ACP7: variants seen among roughly 807,000 people sequenced by gnomAD.
The protein encoded by ACP7 is acid phosphatase 7, tartrate resistant (putative).
A neutral mutation model predicts 60.6 loss-of-function variants in ACP7; 58 were observed. The ratio of observed to expected loss-of-function variants is 0.96; its 90% CI spans 0.77 to 1.19. The LOEUF is 1.19. ACP7 is among the 50% of genes most tolerant of loss of function. The probability of loss-of-function intolerance (pLI) is 0.00; values close to 1 mark genes in which losing one functional copy is unlikely to be tolerated. For missense variants in ACP7, 574 were observed against 596.2 expected, an observed-to-expected ratio of 0.96 and a Z score of 0.39; for synonymous variants, 237 against 232.6, an observed-to-expected ratio of 1.02 and a Z score of -0.17.
rs34130688 is a variant in ACP7, at chr19:39,107,578, C to CAAAAAA, written c.1251+511_1251+516dup. 2.5e-3 allele frequency among the ~76,000 whole-genome samples: 199 copies of CAAAAAA among 81,196 alleles called. 4 individuals carry two copies. Among genetic ancestry groups the CAAAAAA allele is most frequent in the African/African-American group, 5.2e-3 (110 of 21,254 alleles). The allele number at this position is 81,196 out of a possible 152,430, so 53.3% of individuals were successfully genotyped here. On this transcript the variant is annotated intron_variant, in intron 12 of 12. Transcript: ENST00000331256. ...TGGGCGACTGAGCAAGACTCTGTCT[C>CAAAAAA]AAAAAAAAAAAAAAAAAAAAAATTA...
chr19:39,093,183 C>T (rs368587413), intron 2 of ACP7, among the ~76,000 whole-genome samples: 1 of 53,142 alleles, frequency 1.9e-5, no homozygotes, highest in African/African-American at 1.1e-4. Context: ...TCCTTCCTTC[C>T]TTCCTTCTTT....
rs1025619036 is a variant in ACP7 at position 39,110,452 on chromosome 19, A to G, written c.*334A>G. The G allele has an allele frequency of 1.3e-5, 3 of 237,596 alleles. No individual in the cohort carries two copies. The highest frequency in any genetic ancestry group is 5.3e-5 in the Admixed American group (1 of 18,938). The allele number at this position is 237,596 out of a possible 1,614,324, so 14.7% of individuals were successfully genotyped here. ...ATGAAGAGGCTTAAGCTCTGGCTCC[A>G]TGGATTCTGCACATCTGCGGGGGAT... On this transcript the variant is annotated 3_prime_UTR_variant, in exon 13 of 13. Coordinates refer to ENST00000331256, the MANE Select transcript of ACP7 (RefSeq NM_001004318.3).
At chr19:39,107,115 C>T (rs753508734) in intron 12 of ACP7, 31 bp downstream of exon 12, 2 of 1,611,664 alleles carry the variant, frequency 1.2e-6, no homozygotes, top group East Asian at 4.5e-5. Flanking sequence ...AGTCACCTGA[C>T]TGTACAGCCA....
chr19:39,096,956 C>A (rs2073272722), intron 2 of ACP7, among the ~76,000 whole-genome samples: 1 of 152,090 alleles, frequency 6.6e-6, no homozygotes, highest in Non-Finnish European at 1.5e-5. Flanking sequence ...CACATGCCAC[C>A]ACGCCCAGCT....
At chr19:39,091,801 C>T (rs2073207356) in intron 2 of ACP7, among the ~76,000 whole-genome samples, 1 of 151,928 alleles carries the variant, frequency 6.6e-6, no homozygotes, top group Non-Finnish European at 1.5e-5. Context: ...ATCCCAGCTA[C>T]TCAGGAGGCT....
intron 11 of ACP7, among the ~76,000 whole-genome samples, chr19:39,103,441 G>GTGTTTTTTTTTTTTTTTTTTTTTTTT (rs1230916229): frequency 1.5e-5 from 1 of 64,690 alleles, no homozygotes; most frequent in Non-Finnish European, 2.7e-5. Flanking sequence ...ATCATCATGT[G>GTGTTTTTTTTTTTTTTTTTTTTTTTT]TTTTTTTTTT....
chr19:39,091,351 C>T (rs998385981), intron 2 of ACP7, among the ~76,000 whole-genome samples: 5 of 151,868 alleles, frequency 3.3e-5, no homozygotes, highest in Admixed American at 1.3e-4. Context: ...TTAGTAGAGA[C>T]GGGGTTTCAC....
At chr19:39,086,665 G>A (rs529409493) in intron 2 of ACP7, among the ~76,000 whole-genome samples, 8 of 149,924 alleles carry the variant, frequency 5.3e-5, no homozygotes, top group Non-Finnish European at 1.0e-4. Flanking sequence ...GGGATAGAAC[G>A]GAGCTTGGCA....
In ACP7 at chr19:39,104,815, G is replaced by A. The variant is rs1488947360; in HGVS notation, c.1114-2132G>A. Among the ~76,000 whole-genome samples the A allele has an allele frequency of 2.6e-5, 4 of 152,004 alleles. No individual in the cohort carries two copies. The East Asian group carries it at 7.9e-4, about 30-fold the overall frequency. On this transcript the variant is annotated intron_variant, in intron 11 of 12. Coordinates refer to ENST00000331256, the MANE Select transcript of ACP7 (RefSeq NM_001004318.3). Reference sequence around the variant, plus strand: ...CAGGAGAATCGCTTGAACCCAGGAGGCGGAGGTTGCAGTGAGCCGAGATCG... The same window carrying A: ...CAGGAGAATCGCTTGAACCCAGGAGACGGAGGTTGCAGTGAGCCGAGATCG...
intron 2 of ACP7, among the ~76,000 whole-genome samples, chr19:39,093,457 T>G (rs1232504917): frequency 6.6e-6 from 1 of 151,996 alleles, no homozygotes; most frequent in African/African-American, 2.4e-5. Context: ...TTTTGCCATA[T>G]GGGCCAGGCT....
Position 39,100,596 on chromosome 19 carries a change from A to G in ACP7, c.646A>G (p.Lys216Glu), listed in dbSNP as rs1206321251. 6.2e-7 allele frequency: 1 copy of G among 1,613,840 alleles called. No homozygotes were observed. The highest frequency in any genetic ancestry group is 8.5e-7 in the Non-Finnish European group (1 of 1,179,912). ...TTATTCCAGCAACTTCTCTAACTAC[A>G]AGGCTCGCTTCAGCATGCCGGGGGA... The part of the protein sequence containing the change: ...HEERYNFSNY[K>E]ARFSMPGDNE... Residue 216 changes from lysine (K) to glutamate (E), a missense_variant, in exon 6 of 13, where the codon AAG becomes GAG. By Grantham distance (56) the Lys-to-Glu change is moderately conservative. Coordinates refer to ENST00000331256, the MANE Select transcript of ACP7 (RefSeq NM_001004318.3).
chr19:39,105,539 G>T (rs2073402104), intron 11 of ACP7, among the ~76,000 whole-genome samples: 1 of 152,034 alleles, frequency 6.6e-6, no homozygotes, highest in Non-Finnish European at 1.5e-5. Context: ...TGTCTTTTTT[G>T]AGTTAGGATC....
At chr19:39,100,876 T>A in intron 7 of ACP7, 23 bp downstream of exon 7, 1 of 1,611,590 alleles carries the variant, frequency 6.2e-7, no homozygotes. Context: ...GAGGCCCCTA[T>A]AGTCCCCTGG....
chr19:39,091,062 C>T (rs188129585), intron 2 of ACP7, among the ~76,000 whole-genome samples: 142 of 152,184 alleles, frequency 9.3e-4, no homozygotes, highest in Middle Eastern at 3.4e-3. Flanking sequence ...AGCACTTCCT[C>T]ACTTGATGAC....
intron 2 of ACP7, among the ~76,000 whole-genome samples, chr19:39,093,598 A>G (rs1182132190): frequency 1.3e-5 from 2 of 151,986 alleles, no homozygotes; most frequent in African/African-American, 4.8e-5. Context: ...CATGTTGGCC[A>G]GGCTGGTCTC....
chr19:39,102,513 T>C lies in ACP7; in HGVS notation c.1113+976T>C, dbSNP rs570450887. Among the ~76,000 whole-genome samples the C allele has an allele frequency of 6.6e-5, 10 of 152,028 alleles. No individual in the cohort carries two copies. In the South Asian group the frequency reaches 2.1e-3, roughly 32 times the overall value. Reference sequence around the variant, plus strand: ...CTAATTTTTGTACTTTTGGTAGAGATGGGATTTCACCACGTTGGCCAGGCT... The same window carrying C: ...CTAATTTTTGTACTTTTGGTAGAGACGGGATTTCACCACGTTGGCCAGGCT... On this transcript the variant is annotated intron_variant, in intron 11 of 12. Transcript: ENST00000331256.
chr19:39,104,947 A>C, intron 11 of ACP7, among the ~76,000 whole-genome samples: 1 of 152,186 alleles, frequency 6.6e-6, no homozygotes, highest in Non-Finnish European at 1.5e-5. Flanking sequence ...TTGCGCTAAC[A>C]ATACAAGGAC....
chr19:39,109,884 C>T (rs1445967949), intron 12 of ACP7, among the ~76,000 whole-genome samples, 169 bp from the exon 13 acceptor site: 1 of 152,140 alleles, frequency 6.6e-6, no homozygotes, highest in East Asian at 1.9e-4. Context: ...TACTGTTACT[C>T]TTCCTATCAC....
intron 2 of ACP7, among the ~76,000 whole-genome samples, chr19:39,090,904 T>C (rs1600253807): frequency 6.6e-6 from 1 of 151,990 alleles, no homozygotes. Context: ...TATTACTTTA[T>C]TCAATGATTT....
Sources: gnomAD v4.1 joint callset for allele counts (sites outside exome capture counted in the v4.1 genomes callset) on GRCh38, gnomAD v4.1.1 for gene constraint, MANE v1.5 for transcripts, NCBI Gene and HGNC (gene_info 2026-07-23, HGNC 2026-07-21) for gene names.